The following NUBPL variants were observed in gnomAD, a reference collection of about 807,000 sequenced individuals.
NUBPL encodes the protein iron-sulfur cluster transfer protein NUBPL.
Under a neutral mutation model 45.7 loss-of-function variants are expected in NUBPL, and 31 were observed. The observed-to-expected ratio is 0.68, with a 90% CI of 0.51 to 0.92. The LOEUF (loss-of-function observed/expected upper bound fraction) is 0.92. Among genes scored for constraint, NUBPL ranks in the 40% least tolerant of loss-of-function variants. The pLI is 0.00. For missense variants in NUBPL, 401 were observed against 398.7 expected (o/e 1.01, Z -0.05); for synonymous variants, 144 against 140.9 (o/e 1.02, Z -0.15).
At chr14:31,755,019 G>A (rs964220764) in intron 6 of NUBPL, among the ~76,000 whole-genome samples, 4 of 151,762 alleles carry the variant, frequency 2.6e-5, no homozygotes, top group African/African-American at 9.7e-5. Flanking sequence ...CCCTACAAAG[G>A]ACATGAACTC....
At chr14:31,823,805 G>T (rs1013605775) in intron 7 of NUBPL, among the ~76,000 whole-genome samples, 10 of 151,998 alleles carry the variant, frequency 6.6e-5, no homozygotes, top group African/African-American at 2.4e-4. Flanking sequence ...GACTGGATAT[G>T]AAAAAAACTA....
At chr14:31,739,748 A>G (rs2038243595) in intron 6 of NUBPL, among the ~76,000 whole-genome samples, 1 of 152,200 alleles carries the variant, frequency 6.6e-6, no homozygotes, top group Non-Finnish European at 1.5e-5. Flanking sequence ...ATAATGACAT[A>G]TATCAACTGT....
chr14:31,842,854 A>G (rs1225826879), intron 8 of NUBPL, among the ~76,000 whole-genome samples: 1 of 152,182 alleles, frequency 6.6e-6, no homozygotes, highest in Non-Finnish European at 1.5e-5. Context: ...TAGTATACAT[A>G]TATTACTACA....
At chr14:31,833,383 T>A (rs1341501627) in intron 8 of NUBPL, among the ~76,000 whole-genome samples, 2 of 151,594 alleles carry the variant, frequency 1.3e-5, no homozygotes, top group Non-Finnish European at 1.5e-5. Context: ...AAAAAAAAAA[T>A]TAATTAGAAT....
intron 4 of NUBPL, among the ~76,000 whole-genome samples, chr14:31,639,767 C>G (rs1387261474): frequency 2.0e-5 from 3 of 152,312 alleles, no homozygotes; most frequent in African/African-American, 7.2e-5. Flanking sequence ...CTTTGTTTAC[C>G]TAAGCAAGCC....
rs564288730 is a variant in NUBPL, at chr14:31,606,747, C to T, written c.382+7368C>T. Among the ~76,000 whole-genome samples the T allele has an allele frequency of 5.9e-5, 9 of 152,222 alleles. No individual in the cohort carries two copies. The South Asian group carries it at 1.7e-3, about 28-fold the overall frequency. ...ATAGATATGTGGACTGCAGGAGGCT[C>T]CTTCAGCTTGAGGTCTGTAGTTGTC... is the stretch of plus-strand genomic sequence containing the variant. On this transcript the variant is annotated intron_variant, in intron 4 of 10. Coordinates refer to ENST00000281081, the MANE Select transcript of NUBPL (RefSeq NM_025152.3).
intron 4 of NUBPL, among the ~76,000 whole-genome samples, chr14:31,658,204 A>G (rs2036186806): frequency 6.6e-6 from 1 of 152,198 alleles, no homozygotes; most frequent in African/African-American, 2.4e-5. Flanking sequence ...AATCTCATGT[A>G]TGTTGGAGTA....
chr14:31,588,913 C>CAA lies in NUBPL; in HGVS notation c.292-10360_292-10359dup, dbSNP rs5807627. Reference sequence around the variant, plus strand: ...TGGGCAACAGAGTGAGACTCCGTCTCAAAAAAAAAAAAAAAAATAGTAATT... The same window carrying CAA: ...TGGGCAACAGAGTGAGACTCCGTCTCAAAAAAAAAAAAAAAAAAATAGTAATT... On this transcript the variant is annotated intron_variant, in intron 3 of 10. Transcript: ENST00000281081. 8.2e-3 allele frequency among the ~76,000 whole-genome samples: 999 copies of CAA among 121,670 alleles called. 8 individuals carry two copies. Among genetic ancestry groups the CAA allele is most frequent in the Non-Finnish European group, 0.012 (762 of 61,676 alleles). The allele number at this position is 121,670 out of a possible 152,430, so 79.8% of individuals were successfully genotyped here. A position where few individuals can be genotyped will look rare whatever the true frequency, so the allele number is the denominator to read the frequency against.
chr14:31,694,568 T>C (rs1457300088), intron 6 of NUBPL, among the ~76,000 whole-genome samples: 3 of 152,250 alleles, frequency 2.0e-5, no homozygotes, highest in East Asian at 3.9e-4. Context: ...CAGGCAGGAG[T>C]GCAGTGGCGT....
chr14:31,604,329 C>T (rs544552368), intron 4 of NUBPL, among the ~76,000 whole-genome samples: 8 of 152,216 alleles, frequency 5.3e-5, no homozygotes, highest in African/African-American at 1.9e-4. Flanking sequence ...AAAAACCTGC[C>T]ACCATTCTAC....
intron 6 of NUBPL, among the ~76,000 whole-genome samples, chr14:31,776,664 G>A (rs1261119727): frequency 2.6e-5 from 4 of 152,134 alleles, no homozygotes; most frequent in Admixed American, 1.3e-4. Context: ...CCTTCAAACT[G>A]GGGGTCCAAC....
intron 6 of NUBPL, among the ~76,000 whole-genome samples, chr14:31,744,938 T>A (rs1206846208): frequency 6.6e-6 from 1 of 151,928 alleles, no homozygotes; most frequent in East Asian, 1.9e-4. Flanking sequence ...GTAGAATCTT[T>A]AAAAAAAATC....
In NUBPL at chr14:31,696,962, A is replaced by G. The variant is rs537634201; in HGVS notation, c.513+23388A>G. ...CTGAAAAGAGAACAGGAAAGGAAGT[A>G]ACAAGAAAGAGAAAGGACATAAAGG... is the stretch of plus-strand genomic sequence containing the variant. On this transcript the variant is annotated intron_variant, in intron 6 of 10. Coordinates refer to ENST00000281081, the MANE Select transcript of NUBPL (RefSeq NM_025152.3). Among the ~76,000 whole-genome samples, 3 of 152,354 alleles carry G rather than the reference A, an allele frequency of 2.0e-5. 1 individual carries two copies. The South Asian group carries it at 6.2e-4, about 32-fold the overall frequency.
intron 6 of NUBPL, among the ~76,000 whole-genome samples, chr14:31,735,958 G>T (rs1225197782): frequency 2.6e-5 from 4 of 152,176 alleles, no homozygotes; most frequent in Admixed American, 2.6e-4. Context: ...AAACTGCTAT[G>T]GTGGTGGCCC....
At chr14:31,753,149 G>A (rs943138549) in intron 6 of NUBPL, among the ~76,000 whole-genome samples, 1 of 152,230 alleles carries the variant, frequency 6.6e-6, no homozygotes, top group African/African-American at 2.4e-5. Flanking sequence ...GTTTATGGAA[G>A]GAGTGGTGTG....
Position 31,750,235 on chromosome 14 carries a change from C to T in NUBPL, c.514-37545C>T, listed in dbSNP as rs1027548953. On this transcript the variant is annotated intron_variant, in intron 6 of 10. Transcript: ENST00000281081. ...TGTCACCCAGGCTGGAGTACAGTGG[C>T]GCAGCCTCGGCTCACTGCAAGCTCC... is the stretch of plus-strand genomic sequence containing the variant. Among the ~76,000 whole-genome samples the T allele has an allele frequency of 6.0e-5, 9 of 149,914 alleles. No homozygotes were observed. The South Asian group carries it at 8.4e-4, about 14-fold the overall frequency.
chr14:31,818,229 G>A (rs964368181), intron 7 of NUBPL, among the ~76,000 whole-genome samples: 3 of 152,124 alleles, frequency 2.0e-5, no homozygotes, highest in African/African-American at 7.2e-5. Flanking sequence ...GCACCCCACT[G>A]TCAATATTAG....
chr14:31,855,628 T>C (rs116757370), intron 10 of NUBPL, among the ~76,000 whole-genome samples: 2 of 151,872 alleles, frequency 1.3e-5, no homozygotes, highest in South Asian at 4.1e-4. Context: ...TTAGAGTTTT[T>C]TTTTTTTTTA....
At chr14:31,829,997 C>G (rs1290365481) in intron 8 of NUBPL, among the ~76,000 whole-genome samples, 1 of 151,928 alleles carries the variant, frequency 6.6e-6, no homozygotes, top group Non-Finnish European at 1.5e-5. Flanking sequence ...ATTTTTCTTG[C>G]CTTCTTATAT....
Sources: allele counts gnomAD v4.1 joint callset (sites outside exome capture counted in the v4.1 genomes callset), GRCh38; gene constraint gnomAD v4.1.1; transcripts MANE v1.5; gene names NCBI Gene and HGNC (gene_info 2026-07-23, HGNC 2026-07-21).